The following APBB1IP variants were observed in gnomAD, a reference collection of about 807,000 sequenced individuals.
APBB1IP encodes the protein amyloid beta A4 precursor protein-binding family B member 1-interacting protein.
A neutral mutation model predicts 64.9 loss-of-function variants in APBB1IP; 27 were observed. That is an observed-to-expected ratio of 0.42 (90% confidence interval 0.31 to 0.57). The LOEUF (loss-of-function observed/expected upper bound fraction) is 0.57, where lower values mean the gene tolerates loss of function less well. APBB1IP is among the 20% of genes least tolerant of loss of function. APBB1IP has a pLI of 0.20. For missense variants in APBB1IP, 812 were observed against 845.5 expected (o/e 0.96, Z 0.49); for synonymous variants, 392 against 331.0 (o/e 1.18, Z -2.00).
chr10:26,540,460 A>T (rs1048573802), intron 10 of APBB1IP, among the ~76,000 whole-genome samples: 40 of 152,260 alleles, frequency 2.6e-4, no homozygotes, highest in Middle Eastern at 3.4e-3. Flanking sequence ...AAAGAACAAA[A>T]TAAGAAAAAG....
At position 26,547,182 on chromosome 10, in the gene APBB1IP, T is replaced by C. The variant is rs528994058; in HGVS notation, c.1155+5490T>C. On this transcript the variant is annotated intron_variant, in intron 11 of 14. Coordinates refer to ENST00000376236, the MANE Select transcript of APBB1IP (RefSeq NM_019043.4). The stretch of plus-strand genomic sequence containing the variant: ...GCATTTTTTAAATTCCTATTGGCCC[T>C]GTGTATGTCTTCTGTGGTGAAATAT... 3.6e-3 allele frequency among the ~76,000 whole-genome samples: 545 copies of C among 152,366 alleles called. 1 individual carries two copies. The highest frequency in any genetic ancestry group is 8.3e-3 in the South Asian group (40 of 4,824).
At chr10:26,514,285 T>C (rs754078478) in intron 8 of APBB1IP, among the ~76,000 whole-genome samples, 18 of 152,322 alleles carry the variant, frequency 1.2e-4, no homozygotes, top group Admixed American at 2.6e-4. Flanking sequence ...ATCCAATATA[T>C]CTTCATGCAC....
intron 9 of APBB1IP, among the ~76,000 whole-genome samples, chr10:26,535,278 A>T (rs1167804490): frequency 2.0e-5 from 3 of 152,076 alleles, no homozygotes; most frequent in Non-Finnish European, 1.5e-5. Context: ...AACTATCCCA[A>T]TAATAAAATA....
chr10:26,506,250 T>TGG (rs60855722), intron 6 of APBB1IP, among the ~76,000 whole-genome samples: 2,304 of 62,230 alleles, frequency 0.037, 79 homozygotes, highest in Non-Finnish European at 0.049. Context: ...CGTGTGTGTG[T>TGG]GGGGGGGGGG....
chr10:26,508,531 G>A (rs2132443385), intron 6 of APBB1IP, among the ~76,000 whole-genome samples: 2 of 151,952 alleles, frequency 1.3e-5, no homozygotes, highest in South Asian at 4.2e-4. Context: ...GATCATTTAA[G>A]TTTTTTCACC....
chr10:26,456,248 A>G (rs2132402705), intron 2 of APBB1IP, among the ~76,000 whole-genome samples: 1 of 152,344 alleles, frequency 6.6e-6, no homozygotes, highest in Middle Eastern at 3.4e-3. Context: ...ACCTGCATGC[A>G]AGGAGCTGCT....
intron 8 of APBB1IP, among the ~76,000 whole-genome samples, chr10:26,519,336 A>G (rs1484648922): frequency 6.6e-6 from 1 of 152,194 alleles, no homozygotes; most frequent in African/African-American, 2.4e-5. Flanking sequence ...ATGGTTCTGC[A>G]AGCTGTACAG....
intron 3 of APBB1IP, among the ~76,000 whole-genome samples, chr10:26,494,717 C>G (rs1274682347): frequency 6.6e-6 from 1 of 151,978 alleles, no homozygotes; most frequent in Non-Finnish European, 1.5e-5. Flanking sequence ...CCCAGCTACT[C>G]AGGATGCTGA....
chr10:26,477,209 G>A (rs942912190), intron 2 of APBB1IP, among the ~76,000 whole-genome samples: 2 of 152,208 alleles, frequency 1.3e-5, no homozygotes, highest in East Asian at 1.9e-4. Flanking sequence ...ACAGAGGTGA[G>A]GCTGTGTCCT....
At chr10:26,550,979 C>A (rs576191638) in intron 11 of APBB1IP, among the ~76,000 whole-genome samples, 1 of 152,184 alleles carries the variant, frequency 6.6e-6, no homozygotes, top group Non-Finnish European at 1.5e-5. Context: ...CTAACTCTGC[C>A]GAGGATACAC....
chr10:26,472,513 C>T (rs542633176), intron 2 of APBB1IP, among the ~76,000 whole-genome samples: 1 of 152,272 alleles, frequency 6.6e-6, no homozygotes, highest in South Asian at 2.1e-4. Context: ...CAGTTAAAGC[C>T]AAAGGTCATT....
intron 2 of APBB1IP, among the ~76,000 whole-genome samples, chr10:26,449,961 G>A (rs1042775426): frequency 1.3e-5 from 2 of 151,940 alleles, no homozygotes; most frequent in African/African-American, 2.4e-5. Flanking sequence ...AGCCATGATC[G>A]TGCCACTATA....
At chr10:26,495,352 G>A (rs1836007992) in intron 3 of APBB1IP, among the ~76,000 whole-genome samples, 2 of 145,430 alleles carry the variant, frequency 1.4e-5, no homozygotes, top group Non-Finnish European at 3.0e-5. Context: ...GTGGAGGAGA[G>A]TTTAAGTGAA....
At chr10:26,561,440 GC>G (rs1178225882) in intron 13 of APBB1IP, among the ~76,000 whole-genome samples, 1 of 148,796 alleles carries the variant, frequency 6.7e-6, no homozygotes, top group African/African-American at 2.5e-5. Flanking sequence ...CCAGGCTGGA[GC>G]CCTGTATCTA....
In APBB1IP at chr10:26,496,285, G is replaced by C. The variant is rs372848780; in HGVS notation, c.73-19G>C. On this transcript the variant is annotated intron_variant, in intron 3 of 14. Transcript: ENST00000376236. The stretch of plus-strand genomic sequence containing the variant: ...GTTTGTATCATGAATAACTTTGATG[G>C]GGGGATCTTTTTTCACAGAGTTTAG... 3.7e-5 allele frequency: 59 copies of C among 1,576,336 alleles called. No homozygotes were observed. Among genetic ancestry groups the C allele is most frequent in the Admixed American group, 5.1e-5 (3 of 59,158 alleles).
chr10:26,529,003 G>A (rs192412957), intron 8 of APBB1IP, among the ~76,000 whole-genome samples: 9 of 152,288 alleles, frequency 5.9e-5, no homozygotes, highest in Non-Finnish European at 1.3e-4. Context: ...TTCACGAACT[G>A]ATAACTGTTT....
intron 2 of APBB1IP, among the ~76,000 whole-genome samples, chr10:26,472,940 C>CAAAAAAAA (rs372086697): frequency 5.3e-5 from 8 of 150,760 alleles, no homozygotes; most frequent in East Asian, 3.9e-4. Context: ...TCATCAAAAA[C>CAAAAAAAA]AAAAAGAAAA....
intron 10 of APBB1IP, among the ~76,000 whole-genome samples, chr10:26,541,255 G>C (rs923598519): frequency 6.6e-6 from 1 of 152,152 alleles, no homozygotes; most frequent in Non-Finnish European, 1.5e-5. Flanking sequence ...ATAATGTATG[G>C]TGATCAGATC....
chr10:26,533,363 C>A, intron 8 of APBB1IP, 76 bp from the exon 9 acceptor site: 5 of 822,732 alleles, frequency 6.1e-6, no homozygotes, highest in Non-Finnish European at 9.2e-6. Context: ...TTCTTTCCAG[C>A]AAGACTGTGA....
Sources: allele counts gnomAD v4.1 joint callset (sites outside exome capture counted in the v4.1 genomes callset), GRCh38; gene constraint gnomAD v4.1.1; transcripts MANE v1.5; gene names NCBI Gene and HGNC (gene_info 2026-07-23, HGNC 2026-07-21).